Variants in PLD5 observed in about 807,000 individuals in gnomAD.
The protein encoded by PLD5 is phospholipase D family member 5.
In PLD5, 36 loss-of-function variants were observed where a neutral mutation model predicts 61.1. The ratio of observed to expected loss-of-function variants is 0.59; its 90% CI spans 0.45 to 0.78. PLD5 has a LOEUF of 0.78. PLD5 is among the 30% of genes least tolerant of loss of function. The pLI, the probability that PLD5 is intolerant of heterozygous loss-of-function variation, is 0.00. For missense variants in PLD5, 515 were observed against 644.4 expected (o/e 0.80, Z 2.17); for synonymous variants, 243 against 242.8 (o/e 1.00, Z -0.01).
chr1:242,382,140 C>CAAAAAAAAAAAAA (rs771218262), intron 1 of PLD5, among the ~76,000 whole-genome samples: 1 of 99,192 alleles, frequency 1.0e-5, no homozygotes, highest in Admixed American at 9.4e-5. Flanking sequence ...AAAAAAAAAA[C>CAAAAAAAAAAAAA]AAAACAAAAA....
intron 1 of PLD5, among the ~76,000 whole-genome samples, chr1:242,433,349 G>A (rs1296913155): frequency 6.6e-6 from 1 of 152,150 alleles, no homozygotes; most frequent in Non-Finnish European, 1.5e-5. Context: ...TCTCCTCTCA[G>A]GACAGCCATT....
chr1:242,219,913 G>A, intron 5 of PLD5, 75 bp downstream of exon 5: 1 of 1,545,840 alleles, frequency 6.5e-7, no homozygotes, highest in South Asian at 1.2e-5. Flanking sequence ...ATCCTTATCT[G>A]CAGTAGCGTG....
At chr1:242,168,533 C>T (rs911269514) in intron 5 of PLD5, among the ~76,000 whole-genome samples, 2 of 152,160 alleles carry the variant, frequency 1.3e-5, no homozygotes, top group Non-Finnish European at 1.5e-5. Flanking sequence ...TTACAGAATA[C>T]ATTTCCACTA....
intron 1 of PLD5, among the ~76,000 whole-genome samples, chr1:242,403,495 C>A (rs1186332853): frequency 6.7e-6 from 1 of 148,660 alleles, no homozygotes; most frequent in Admixed American, 6.7e-5. Flanking sequence ...TAAGATATCT[C>A]GCTCCGTCAT....
intron 1 of PLD5, among the ~76,000 whole-genome samples, chr1:242,386,158 G>T (rs185014185): frequency 4.9e-4 from 74 of 152,146 alleles, no homozygotes; most frequent in Non-Finnish European, 7.9e-4. Flanking sequence ...TTGGATTAGG[G>T]CTCACCCTAA....
chr1:242,468,077 T>C (rs1667330252), intron 1 of PLD5, among the ~76,000 whole-genome samples: 1 of 152,158 alleles, frequency 6.6e-6, no homozygotes, highest in Non-Finnish European at 1.5e-5. Flanking sequence ...AGTTATAAAA[T>C]TAGAGAGGAA....
intron 1 of PLD5, among the ~76,000 whole-genome samples, chr1:242,512,227 C>T (rs532870766): frequency 4.8e-4 from 72 of 149,074 alleles, no homozygotes; most frequent in South Asian, 1.9e-3. Flanking sequence ...CTGGCTAACA[C>T]GGTGAAACCT....
intron 5 of PLD5, among the ~76,000 whole-genome samples, chr1:242,160,838 T>C (rs1665764622): frequency 3.3e-5 from 5 of 151,572 alleles, no homozygotes; most frequent in Non-Finnish European, 7.4e-5. Context: ...TGAGCTTTGA[T>C]CGAGCCACTG....
intron 1 of PLD5, among the ~76,000 whole-genome samples, chr1:242,487,912 T>G (rs943981649): frequency 2.0e-5 from 3 of 152,226 alleles, no homozygotes; most frequent in African/African-American, 7.2e-5. Flanking sequence ...TGTATGTACA[T>G]GTATGTATAT....
intron 1 of PLD5, among the ~76,000 whole-genome samples, chr1:242,500,677 G>C (rs1668524937): frequency 6.6e-6 from 1 of 152,166 alleles, no homozygotes; most frequent in Admixed American, 6.5e-5. Flanking sequence ...GCAGGTTGGG[G>C]AAGGGAAGAA....
intron 5 of PLD5, among the ~76,000 whole-genome samples, chr1:242,163,056 T>G (rs1206912100): frequency 6.6e-6 from 1 of 152,124 alleles, no homozygotes; most frequent in Non-Finnish European, 1.5e-5. Flanking sequence ...TATAAACATC[T>G]CAGGACTAGG....
intron 5 of PLD5, among the ~76,000 whole-genome samples, chr1:242,166,771 A>AAAT (rs1343243541): frequency 6.6e-6 from 1 of 152,198 alleles, no homozygotes; most frequent in Non-Finnish European, 1.5e-5. Flanking sequence ...GTTACTGACC[A>AAAT]AATAGATGCT....
intron 6 of PLD5, among the ~76,000 whole-genome samples, chr1:242,120,212 T>C (rs568611453): frequency 1.1e-3 from 168 of 152,252 alleles, no homozygotes; most frequent in African/African-American, 3.9e-3. Flanking sequence ...GGTTTTTTCT[T>C]TGTGGTGAAA....
intron 3 of PLD5, among the ~76,000 whole-genome samples, chr1:242,273,896 G>C (rs1037367953): frequency 2.0e-5 from 3 of 152,208 alleles, no homozygotes; most frequent in African/African-American, 7.2e-5. Context: ...GCCACCAGGA[G>C]CTGGGAGAGC....
intron 5 of PLD5, among the ~76,000 whole-genome samples, chr1:242,140,164 C>T (rs892373335): frequency 3.3e-5 from 5 of 152,172 alleles, no homozygotes; most frequent in African/African-American, 7.2e-5. Context: ...CCAACGTGTT[C>T]GGCACAAGGT....
intron 1 of PLD5, among the ~76,000 whole-genome samples, chr1:242,410,567 A>AT (rs1050134352): frequency 1.9e-4 from 28 of 149,612 alleles, no homozygotes; most frequent in South Asian, 4.2e-4. Flanking sequence ...GCTATTTTCT[A>AT]TTTTTTTTTT....
At chr1:242,485,379 A>C (rs1667923701) in intron 1 of PLD5, among the ~76,000 whole-genome samples, 1 of 152,202 alleles carries the variant, frequency 6.6e-6, no homozygotes, top group Admixed American at 6.5e-5. Flanking sequence ...CAGGATACAA[A>C]ATCAATGTGC....
chr1:242,448,256 T>G (rs114737043), intron 1 of PLD5, among the ~76,000 whole-genome samples: 1 of 152,332 alleles, frequency 6.6e-6, no homozygotes, highest in East Asian at 1.9e-4. Flanking sequence ...GGGAATGAGA[T>G]GAATGATTCT....
chr1:242,289,419 G>C (rs1675224581), intron 2 of PLD5, among the ~76,000 whole-genome samples: 1 of 152,048 alleles, frequency 6.6e-6, no homozygotes, highest in Non-Finnish European at 1.5e-5. Flanking sequence ...TGCGATCTTG[G>C]CTCACTGCAT....
Sources: gnomAD v4.1 joint callset for allele counts (sites outside exome capture counted in the v4.1 genomes callset) on GRCh38, gnomAD v4.1.1 for gene constraint, MANE v1.5 for transcripts, NCBI Gene and HGNC (gene_info 2026-07-23, HGNC 2026-07-21) for gene names.